GSG1: variants seen among roughly 807,000 people sequenced by gnomAD.
The protein encoded by GSG1 is germ cell-specific gene 1 protein.
Under a neutral mutation model 30.8 loss-of-function variants are expected in GSG1, and 28 were observed. The observed-to-expected ratio is 0.91, with a 90% CI of 0.67 to 1.25. The LOEUF (loss-of-function observed/expected upper bound fraction) is 1.25. Among genes scored for constraint, GSG1 ranks in the 50% most tolerant of loss-of-function variants. The pLI is 0.00. For missense variants in GSG1, 435 were observed against 444.7 expected (o/e 0.98, Z 0.20); for synonymous variants, 162 against 178.0 (o/e 0.91, Z 0.71).
Position 13,087,927 on chromosome 12 carries a change from G to C in GSG1, c.614C>G (p.Ala205Gly), listed in dbSNP as rs1216937384. The C allele has an allele frequency of 3.1e-6, 5 of 1,614,030 alleles. No individual in the cohort carries two copies. The highest frequency in any genetic ancestry group is 4.2e-6 in the Non-Finnish European group (5 of 1,180,030). The change falls in exon 5 of 7, where the codon GCT (alanine) becomes GGT (glycine). Residue 205 changes from alanine (A) to glycine (G), a missense_variant. Ala to Gly is a moderately conservative substitution (Grantham distance 60). Coordinates refer to ENST00000651961, the MANE Select transcript of GSG1 (RefSeq NM_001080555.4). ...CTCACCTGACAGGACAGAGGAAACAGCAGCAAAGGCGCTCAGTTTGAGCCC... is the reference window on the plus strand; with the variant it reads ...CTCACCTGACAGGACAGAGGAAACACCAGCAAAGGCGCTCAGTTTGAGCCC... ...ACGLKLSAFA[A>G]VSSVLSGLLG...
At chr12:13,095,425 G>C (rs1866579158) in intron 1 of GSG1, among the ~76,000 whole-genome samples, 1 of 152,176 alleles carries the variant, frequency 6.6e-6, no homozygotes, top group Non-Finnish European at 1.5e-5. Context: ...AAGTGCGTAG[G>C]CGCCAATGTA....
At chr12:13,091,943 T>A (rs1866186942) in intron 1 of GSG1, among the ~76,000 whole-genome samples, 2 of 152,224 alleles carry the variant, frequency 1.3e-5, no homozygotes, top group Non-Finnish European at 2.9e-5. Flanking sequence ...AAGGGAAAGT[T>A]TTCCCCTGGC....
At chr12:13,100,730 C>T (rs1863133272) in intron 1 of GSG1, among the ~76,000 whole-genome samples, 1 of 152,130 alleles carries the variant, frequency 6.6e-6, no homozygotes, top group Non-Finnish European at 1.5e-5. Context: ...TTTCCCAGCC[C>T]GGAAGGGAAG....
chr12:13,088,770 G>A, intron 4 of GSG1, 92 bp downstream of exon 4: 2 of 1,613,824 alleles, frequency 1.2e-6, no homozygotes, highest in Non-Finnish European at 1.7e-6. Context: ...GGGAGGGGAG[G>A]GAAGCCTTCT....
At chr12:13,100,861 G>T (rs570320807) in intron 1 of GSG1, among the ~76,000 whole-genome samples, 2 of 152,256 alleles carry the variant, frequency 1.3e-5, no homozygotes, top group Admixed American at 6.5e-5. Context: ...ACCTCAAATG[G>T]TCGCACAATC....
At position 13,087,983 on chromosome 12, in the gene GSG1, T is replaced by G; in HGVS notation, c.558A>C (p.Thr186=). ...LQFISFLLLL[T]DLLLTGNPAC... ...CAGGGTTCCCAGTGAGTAGCAAGTC[T>G]GTTAGTAGCAGGAGGAAGCTGATGA... is the stretch of plus-strand genomic sequence containing the variant. Residue 186 remains threonine, a synonymous_variant, in exon 5 of 7, where the codon ACA becomes ACC. Transcript: ENST00000651961. 1 of 1,614,262 alleles carries G rather than the reference T, an allele frequency of 6.2e-7. No homozygotes were observed. Among genetic ancestry groups the G allele is most frequent in the Non-Finnish European group, 8.5e-7 (1 of 1,180,050 alleles).
chr12:13,097,812 C>T (rs770593049), intron 1 of GSG1, among the ~76,000 whole-genome samples: 46 of 152,166 alleles, frequency 3.0e-4, no homozygotes, highest in Non-Finnish European at 5.3e-4. Flanking sequence ...CCCTCTGTAT[C>T]CGCCCCCGGC....
chr12:13,088,140 A>G (rs1865720724), intron 4 of GSG1, 81 bp from the exon 5 acceptor site: 2 of 1,491,704 alleles, frequency 1.3e-6, no homozygotes, highest in East Asian at 4.5e-5. Flanking sequence ...GATGCCTATT[A>G]GGAGTTAAGA....
At chr12:13,097,774 A>G (rs147245620) in intron 1 of GSG1, among the ~76,000 whole-genome samples, 47 of 152,104 alleles carry the variant, frequency 3.1e-4, no homozygotes, top group African/African-American at 1.0e-3. Flanking sequence ...CACCTGTTCA[A>G]CTCATTTTGG....
rs567903569 is a variant in GSG1, at chr12:13,101,795, A to T, written c.48+1670T>A. ...TAAGGGAAGGGGATGTCTGCGTCTC[A>T]TTGGGAAGACCCCAGGGCGGGACTT... On this transcript the variant is annotated intron_variant, in intron 1 of 6. Coordinates refer to ENST00000651961, the MANE Select transcript of GSG1 (RefSeq NM_001080555.4). The surrounding 1 kb of genome is among the most constrained non-coding windows in gnomAD (Gnocchi z 5.8). Among the ~76,000 whole-genome samples the T allele has an allele frequency of 6.6e-6, 1 of 152,322 alleles. No homozygotes were observed. Among genetic ancestry groups the T allele is most frequent in the East Asian group, 1.9e-4 (1 of 5,180 alleles).
chr12:13,090,621 G>A lies in GSG1; in HGVS notation c.246C>T (p.Thr82=), dbSNP rs1160074014. ...GTACCACCTCCTGGGTGGATGTGTT[G>A]GTATCTCCATCCAGGGACACTGGCA... ...FDMPVSLDGD[T]NTSTQEVVQY... Residue 82 remains threonine, a synonymous_variant, in exon 2 of 7, where the codon ACC becomes ACT. Coordinates refer to ENST00000651961, the MANE Select transcript of GSG1 (RefSeq NM_001080555.4). 6.2e-7 allele frequency: 1 copy of A among 1,614,052 alleles called. No individual in the cohort carries two copies. Among genetic ancestry groups the A allele is most frequent in the Non-Finnish European group, 8.5e-7 (1 of 1,180,014 alleles).
At chr12:13,103,427 A>G (rs780843321) in intron 1 of GSG1, 38 bp downstream of exon 1, 4 of 1,436,768 alleles carry the variant, frequency 2.8e-6, no homozygotes, top group Admixed American at 3.3e-5. Flanking sequence ...AGATATGTGT[A>G]TGAGATGTTC....
At position 13,084,241 on chromosome 12, in the gene GSG1, A is replaced by G. The variant is rs1481141059; in HGVS notation, c.*660T>C. On this transcript the variant is annotated 3_prime_UTR_variant, in exon 7 of 7. Coordinates refer to ENST00000651961, the MANE Select transcript of GSG1 (RefSeq NM_001080555.4). The stretch of plus-strand genomic sequence containing the variant: ...GTGTGACTGTCCAGAAGGGAACCAC[A>G]GTCCAATCTGAATAGCCTTGGTGGG... 2 of 152,214 alleles carry G rather than the reference A, an allele frequency of 1.3e-5. No homozygotes were observed. Among genetic ancestry groups the G allele is most frequent in the African/African-American group, 4.8e-5 (2 of 41,432 alleles). The allele number at this position is 152,214 out of a possible 1,614,324, so 9.4% of individuals were successfully genotyped here.
At chr12:13,103,351 C>T (rs967652222) in intron 1 of GSG1, 114 bp downstream of exon 1, 1 of 831,010 alleles carries the variant, frequency 1.2e-6, no homozygotes. Context: ...AAGCTCTTTA[C>T]TGTGACCATG....
chr12:13,094,838 C>T (rs1351321244), intron 1 of GSG1, among the ~76,000 whole-genome samples: 1 of 152,122 alleles, frequency 6.6e-6, no homozygotes, highest in Non-Finnish European at 1.5e-5. Context: ...GTTATACTTG[C>T]AAGATTTTTA....
chr12:13,097,737 T>G (rs1591657565), intron 1 of GSG1, among the ~76,000 whole-genome samples: 1 of 152,208 alleles, frequency 6.6e-6, no homozygotes, highest in African/African-American at 2.4e-5. Flanking sequence ...GTTCTTAATA[T>G]ATACCCAGGG....
chr12:13,090,652 A>G lies in GSG1; in HGVS notation c.215T>C (p.Phe72Ser). 6.2e-7 allele frequency: 1 copy of G among 1,614,206 alleles called. No individual in the cohort carries two copies. The highest frequency in any genetic ancestry group is 1.7e-5 in the Admixed American group (1 of 60,026). The change falls in exon 2 of 7, where the codon TTT becomes TCT. Residue 72 changes from phenylalanine (F) to serine (S), a missense_variant. Coordinates refer to ENST00000651961, the MANE Select transcript of GSG1 (RefSeq NM_001080555.4). ...LCEKGLAAKC[F>S]DMPVSLDGDT... is the part of the protein sequence containing the mutation. ...TCCATCCAGGGACACTGGCATGTCA[A>G]AGCACTTGGCTGCCAGACCTTTCTC...
chr12:13,099,699 C>T (rs1036816775), intron 1 of GSG1, among the ~76,000 whole-genome samples: 5 of 151,440 alleles, frequency 3.3e-5, no homozygotes, highest in Admixed American at 3.3e-4. Context: ...ATATACCACA[C>T]CACTTCTCTA....
Position 13,088,873 on chromosome 12 carries a change from G to A in GSG1, c.470C>T (p.Pro157Leu), listed in dbSNP as rs770870527. ...TAGTCCTTTCTCACCTCTCTTGGCT[G>A]GTGGTGTAAGTTCAATGAAACTTCG... ...RCRSFIELTP[P>L]AKREILWLSL... Residue 157 changes from proline to leucine, a missense_variant, in exon 4 of 7, where the codon CCA becomes CTA. Physicochemically the swap from Pro to Leu is moderately conservative, Grantham distance 98. Transcript: ENST00000651961. The A allele has an allele frequency of 6.2e-7, 1 of 1,614,172 alleles. No homozygotes were observed. The highest frequency in any genetic ancestry group is 2.2e-5 in the East Asian group (1 of 44,870).
Sources: gnomAD v4.1 joint callset for allele counts (sites outside exome capture counted in the v4.1 genomes callset) on GRCh38, gnomAD v4.1.1 for gene constraint, Gnocchi (gnomAD v3.1) non-coding constraint, MANE v1.5 for transcripts, NCBI Gene and HGNC (gene_info 2026-07-23, HGNC 2026-07-21) for gene names.